AFF3: variants seen among roughly 807,000 people sequenced by gnomAD.
AFF3 encodes AF4/FMR2 family member 3.
A neutral mutation model predicts 129.7 loss-of-function variants in AFF3; 32 were observed. That is an observed-to-expected ratio of 0.25 (90% CI 0.19 to 0.33). AFF3 has a LOEUF of 0.33. Ranked by LOEUF, AFF3 falls within the 10% of genes least tolerant of loss-of-function variation. The probability of loss-of-function intolerance (pLI) is 1.00; values close to 1 mark genes in which losing one functional copy is unlikely to be tolerated. For synonymous variants in AFF3, 644 were observed against 635.4 expected (o/e 1.01, Z -0.20); for missense variants, 1,373 against 1,592.0 (o/e 0.86, Z 2.34).
Position 99,551,472 on chromosome 2 carries a change from C to G in AFF3, c.*2G>C. 1 of 1,614,000 alleles carries G rather than the reference C, an allele frequency of 6.2e-7. No homozygotes were observed. Among genetic ancestry groups the G allele is most frequent in the Non-Finnish European group, 8.5e-7 (1 of 1,179,990 alleles). On this transcript the variant is annotated 3_prime_UTR_variant, in exon 25 of 25. Coordinates refer to ENST00000672756, the MANE Select transcript of AFF3 (RefSeq NM_001386135.1). ...GCCCACTCTGGCCCCAGGGTGAGGT[C>G]CCTATGACAGGTGGGCGCTGTTCCG...
intron 7 of AFF3, among the ~76,000 whole-genome samples, chr2:99,991,962 C>G (rs773761966): frequency 2.0e-5 from 3 of 150,392 alleles, no homozygotes; most frequent in African/African-American, 7.4e-5. Flanking sequence ...TCAGTCTTGA[C>G]AGATTAAATG....
intron 7 of AFF3, among the ~76,000 whole-genome samples, chr2:99,975,973 G>A (rs1250896999): frequency 6.6e-6 from 1 of 151,690 alleles, no homozygotes; most frequent in East Asian, 1.9e-4. Flanking sequence ...CCAAGAAGGT[G>A]ACAGATGTAC....
At chr2:99,869,509 C>T (rs896299288) in intron 7 of AFF3, among the ~76,000 whole-genome samples, 4 of 152,198 alleles carry the variant, frequency 2.6e-5, no homozygotes, top group African/African-American at 4.8e-5. Context: ...TAAAATGCCA[C>T]TAATACAATC....
At chr2:99,786,926 T>C (rs536627300) in intron 8 of AFF3, among the ~76,000 whole-genome samples, 1 of 152,288 alleles carries the variant, frequency 6.6e-6, no homozygotes, top group Admixed American at 6.5e-5. Flanking sequence ...TAGCTAAGCA[T>C]TATTTATTGT....
At chr2:99,691,850 C>T (rs1402107085) in intron 11 of AFF3, among the ~76,000 whole-genome samples, 1 of 152,128 alleles carries the variant, frequency 6.6e-6, no homozygotes, top group Admixed American at 6.5e-5. Flanking sequence ...GGAAAAAGCT[C>T]CCACAATAGT....
chr2:99,608,354 C>A (rs966046558), intron 13 of AFF3, among the ~76,000 whole-genome samples: 1 of 152,222 alleles, frequency 6.6e-6, no homozygotes, highest in African/African-American at 2.4e-5. Flanking sequence ...TCCTCTGAGT[C>A]CCTCTAGCAC....
chr2:100,086,868 T>C (rs1198343640), intron 4 of AFF3, among the ~76,000 whole-genome samples: 2 of 152,254 alleles, frequency 1.3e-5, no homozygotes, highest in Non-Finnish European at 2.9e-5. Flanking sequence ...CTATCTGTTA[T>C]GCCATTTAAA....
intron 11 of AFF3, among the ~76,000 whole-genome samples, chr2:99,686,745 A>G (rs947109737): frequency 6.6e-6 from 1 of 152,214 alleles, no homozygotes; most frequent in Admixed American, 6.5e-5. Context: ...TTGCATGGCA[A>G]ATATAGACAG....
chr2:99,735,932 CAT>C (rs1308497429), intron 10 of AFF3, among the ~76,000 whole-genome samples: 1 of 152,148 alleles, frequency 6.6e-6, no homozygotes, highest in Admixed American at 6.5e-5. Context: ...AATTTCTAAA[CAT>C]GTGTTTTCCC....
At chr2:99,724,194 A>ACC (rs948526701) in intron 11 of AFF3, among the ~76,000 whole-genome samples, 4 of 139,116 alleles carry the variant, frequency 2.9e-5, no homozygotes, top group East Asian at 2.2e-4. Context: ...TGAGACCCAC[A>ACC]CCCCCTCTTG....
chr2:99,694,976 T>A (rs1676054578), intron 11 of AFF3, among the ~76,000 whole-genome samples: 1 of 152,206 alleles, frequency 6.6e-6, no homozygotes, highest in African/African-American at 2.4e-5. Context: ...GTGCTGAGAT[T>A]ACAGGTGTGA....
intron 7 of AFF3, among the ~76,000 whole-genome samples, chr2:99,990,708 A>C (rs1210305649): frequency 6.6e-6 from 1 of 152,164 alleles, no homozygotes; most frequent in African/African-American, 2.4e-5. Flanking sequence ...AGCCAGCATG[A>C]AAGTGAAATA....
intron 7 of AFF3, among the ~76,000 whole-genome samples, chr2:99,875,838 C>A (rs6741766): frequency 6.6e-6 from 1 of 152,140 alleles, no homozygotes; most frequent in South Asian, 2.1e-4. Flanking sequence ...ACCCTCCAAA[C>A]AGCCCCAGTC....
At chr2:100,011,119 A>G (rs891313576) in intron 4 of AFF3, among the ~76,000 whole-genome samples, 2 of 152,088 alleles carry the variant, frequency 1.3e-5, no homozygotes, top group Non-Finnish European at 2.9e-5. Flanking sequence ...CTAAAAATAC[A>G]AAAAATTAGC....
At chr2:99,891,334 C>CCAG (rs1049994062) in intron 7 of AFF3, among the ~76,000 whole-genome samples, 132 of 152,214 alleles carry the variant, frequency 8.7e-4, no homozygotes, top group African/African-American at 3.1e-3. Context: ...AGGCGTGTTC[C>CCAG]CAGCAGCAGG....
intron 2 of AFF3, among the ~76,000 whole-genome samples, chr2:100,111,020 G>A (rs1418815450): frequency 6.6e-6 from 1 of 152,182 alleles, no homozygotes; most frequent in Non-Finnish European, 1.5e-5. Context: ...AGGTGGAGAA[G>A]CCATCATCAA....
intron 13 of AFF3, among the ~76,000 whole-genome samples, chr2:99,609,304 A>G (rs1680687025): frequency 6.6e-6 from 1 of 151,762 alleles, no homozygotes; most frequent in African/African-American, 2.4e-5. Flanking sequence ...TTTAGCATTG[A>G]TTTATGAGAT....
At chr2:100,125,852 G>C (rs1267595768) in intron 2 of AFF3, among the ~76,000 whole-genome samples, 1 of 152,042 alleles carries the variant, frequency 6.6e-6, no homozygotes, top group Admixed American at 6.5e-5. Context: ...CAGGCTCCGC[G>C]TGAGCCTGGG....
intron 12 of AFF3, among the ~76,000 whole-genome samples, chr2:99,651,105 G>A (rs573507042): frequency 9.3e-5 from 14 of 151,054 alleles, no homozygotes; most frequent in Admixed American, 5.3e-4. Context: ...CTTGGGGGGC[G>A]GAGGTTGCAG....
Sources: allele counts gnomAD v4.1 joint callset (sites outside exome capture counted in the v4.1 genomes callset), GRCh38; gene constraint gnomAD v4.1.1; transcripts MANE v1.5; gene names NCBI Gene and HGNC (gene_info 2026-07-23, HGNC 2026-07-21).